The following ARHGAP22 variants were observed in gnomAD, a reference collection of about 807,000 sequenced individuals.
ARHGAP22 encodes Rho GTPase activating protein 22.
ARHGAP22 carries 48 observed loss-of-function variants against 59.1 expected under a neutral mutation model. The ratio of observed to expected loss-of-function variants is 0.81; its 90% CI spans 0.64 to 1.03. The LOEUF (loss-of-function observed/expected upper bound fraction) is 1.03. Ranked by LOEUF, ARHGAP22 falls within the 50% of genes least tolerant of loss-of-function variation. The pLI, the probability that ARHGAP22 is intolerant of heterozygous loss-of-function variation, is 0.00. For missense variants in ARHGAP22, 1,015 were observed against 958.7 expected, an observed-to-expected ratio of 1.06 and a Z score of -0.78; for synonymous variants, 445 against 416.4, an observed-to-expected ratio of 1.07 and a Z score of -0.84.
At chr10:48,431,595 TCTTTA>T in the ARHGAP22 span, among the ~76,000 whole-genome samples, 1 of 152,204 alleles carries the variant, frequency 6.6e-6, no homozygotes, top group Admixed American at 6.5e-5. Context: ...ATCTTGACAG[TCTTTA>T]CTTTGGATAA....
intron 2 of ARHGAP22, among the ~76,000 whole-genome samples, chr10:48,578,507 G>T (rs992322474): frequency 6.9e-6 from 1 of 145,118 alleles, no homozygotes; most frequent in African/African-American, 2.6e-5. Flanking sequence ...ATTAACTACA[G>T]AAGTATTATG....
intron 3 of ARHGAP22, among the ~76,000 whole-genome samples, chr10:48,487,196 G>A (rs2049945077): frequency 6.6e-6 from 1 of 152,088 alleles, no homozygotes; most frequent in Admixed American, 6.5e-5. Flanking sequence ...ACAACTTAAG[G>A]TTATCCTGCA....
At chr10:48,492,202 T>C (rs994958678) in intron 3 of ARHGAP22, among the ~76,000 whole-genome samples, 5 of 152,276 alleles carry the variant, frequency 3.3e-5, no homozygotes, top group Admixed American at 6.5e-5. Flanking sequence ...AAGTTGTCAA[T>C]TGATCAAATT....
rs2059196195 is a variant in ARHGAP22, at chr10:48,582,801, G to C, written c.234+152C>G. On this transcript the variant is annotated intron_variant, in intron 2 of 9. Coordinates refer to ENST00000249601, the MANE Select transcript of ARHGAP22 (RefSeq NM_021226.4). ...AGGCTGTGATACCAGGAACATGGGG[G>C]ATAAGAATGAAAATTACTTTGGAAA... The C allele has an allele frequency of 1.8e-5, 15 of 814,240 alleles. No homozygotes were observed. The East Asian group carries it at 4.0e-4, about 22-fold the overall frequency. The allele number at this position is 814,240 out of a possible 1,614,324, so 50.4% of individuals were successfully genotyped here.
intron 3 of ARHGAP22, among the ~76,000 whole-genome samples, chr10:48,500,656 G>A (rs996264591): frequency 4.6e-5 from 7 of 152,174 alleles, no homozygotes; most frequent in African/African-American, 1.7e-4. Flanking sequence ...GCGAGGCTGA[G>A]GTGGGCGGAT....
At chr10:48,581,770 G>A (rs530569265) in intron 2 of ARHGAP22, among the ~76,000 whole-genome samples, 6 of 152,230 alleles carry the variant, frequency 3.9e-5, no homozygotes, top group East Asian at 3.9e-4. Context: ...GTCAATATAC[G>A]GTATTTTAGA....
intron 3 of ARHGAP22, among the ~76,000 whole-genome samples, chr10:48,551,873 T>G (rs970864502): frequency 2.0e-5 from 3 of 152,236 alleles, no homozygotes; most frequent in African/African-American, 7.2e-5. Flanking sequence ...AGGCCCCATA[T>G]GGCCAGATGT....
At chr10:48,562,474 T>C (rs2057752497) in intron 2 of ARHGAP22, among the ~76,000 whole-genome samples, 1 of 152,218 alleles carries the variant, frequency 6.6e-6, no homozygotes, top group Non-Finnish European at 1.5e-5. Context: ...GAATGAACTC[T>C]TAATGCACGC....
intron 1 of ARHGAP22, among the ~76,000 whole-genome samples, chr10:48,645,159 T>TA (rs1240182827): frequency 6.6e-6 from 1 of 152,120 alleles, no homozygotes; most frequent in African/African-American, 2.4e-5. Flanking sequence ...TAATCATACA[T>TA]ATACATGCAC....
At chr10:48,523,066 C>T (rs2053957845) in intron 3 of ARHGAP22, among the ~76,000 whole-genome samples, 1 of 152,228 alleles carries the variant, frequency 6.6e-6, no homozygotes, top group Non-Finnish European at 1.5e-5. Flanking sequence ...GCTGCCTGAC[C>T]TTTTCTGTAT....
chr10:48,564,300 G>A (rs2057905585), intron 2 of ARHGAP22, among the ~76,000 whole-genome samples: 1 of 152,084 alleles, frequency 6.6e-6, no homozygotes, highest in South Asian at 2.1e-4. Context: ...AATCATTTCT[G>A]GTAAGGCCAT....
At chr10:48,614,473 C>T (rs923055675) in intron 1 of ARHGAP22, among the ~76,000 whole-genome samples, 2 of 152,202 alleles carry the variant, frequency 1.3e-5, no homozygotes, top group East Asian at 1.9e-4. Context: ...GCCCCATACT[C>T]AGCATGCTAA....
At chr10:48,527,551 G>A (rs1007173068) in intron 3 of ARHGAP22, among the ~76,000 whole-genome samples, 6 of 152,210 alleles carry the variant, frequency 3.9e-5, no homozygotes, top group Non-Finnish European at 8.8e-5. Context: ...ATGGTTGAAT[G>A]GATGTGTTCC....
intron 7 of ARHGAP22, 73 bp downstream of exon 7, chr10:48,454,015 T>C (rs2046252161): frequency 6.8e-7 from 1 of 1,466,676 alleles, no homozygotes; most frequent in South Asian, 1.1e-5. Context: ...AAGAGTTGCG[T>C]GTCTCGCTGT....
chr10:48,635,953 C>A (rs2061800017), intron 1 of ARHGAP22, among the ~76,000 whole-genome samples: 1 of 152,210 alleles, frequency 6.6e-6, no homozygotes, highest in African/African-American at 2.4e-5. Context: ...AATGACATCA[C>A]CCCTGTGGAT....
At chr10:48,517,006 C>T (rs1412959990) in intron 3 of ARHGAP22, among the ~76,000 whole-genome samples, 1 of 152,064 alleles carries the variant, frequency 6.6e-6, no homozygotes, top group Admixed American at 6.6e-5. Context: ...CACAAAAATA[C>T]AATATATTTA....
At chr10:48,599,489 G>A (rs1052847298) in intron 1 of ARHGAP22, among the ~76,000 whole-genome samples, 2 of 152,252 alleles carry the variant, frequency 1.3e-5, no homozygotes, top group Admixed American at 6.5e-5. Flanking sequence ...TGAGCAGGGA[G>A]GGGAAGCTAC....
intron 2 of ARHGAP22, among the ~76,000 whole-genome samples, chr10:48,577,507 C>T (rs143252838): frequency 3.9e-5 from 6 of 152,234 alleles, no homozygotes; most frequent in African/African-American, 1.4e-4. Flanking sequence ...GAGAAATTTA[C>T]TGGAGAAAAT....
rs1250305984 is a variant in ARHGAP22 at position 48,519,157 on chromosome 10, C to G, written c.322+36306G>C. On this transcript the variant is annotated intron_variant, in intron 3 of 9. Transcript: ENST00000249601. ...CTGTGCTGGCCTGAGGACTGTGGCT[C>G]CCCGAATGCTGCAGCAGAACAGCAG... 3.3e-5 allele frequency among the ~76,000 whole-genome samples: 5 copies of G among 152,262 alleles called. No homozygotes were observed. The South Asian group carries it at 8.3e-4, about 25-fold the overall frequency.
Sources: allele counts gnomAD v4.1 joint callset (sites outside exome capture counted in the v4.1 genomes callset), GRCh38; gene constraint gnomAD v4.1.1; transcripts MANE v1.5; gene names NCBI Gene and HGNC (gene_info 2026-07-23, HGNC 2026-07-21).